Variants in MORN5 observed in about 807,000 individuals in gnomAD.
MORN5 encodes MORN repeat-containing protein 5.
Under a neutral mutation model 22.1 loss-of-function variants are expected in MORN5, and 21 were observed. That is an observed-to-expected ratio of 0.95 (90% CI 0.67 to 1.37). The LOEUF (loss-of-function observed/expected upper bound fraction) is 1.37. MORN5 is among the 40% of genes most tolerant of loss of function. The pLI is 0.00. For synonymous variants in MORN5, 73 were observed against 74.0 expected (o/e 0.99, Z 0.07); for missense variants, 211 against 215.1 (o/e 0.98, Z 0.12).
intron 3 of MORN5, among the ~76,000 whole-genome samples, chr9:122,171,716 C>T (rs1336125379): frequency 6.6e-6 from 1 of 152,084 alleles, no homozygotes; most frequent in Non-Finnish European, 1.5e-5. Flanking sequence ...CCTCCCTTCC[C>T]CTGCCCCCTA....
At chr9:122,190,258 C>T (rs966953993) in intron 4 of MORN5, among the ~76,000 whole-genome samples, 1 of 152,238 alleles carries the variant, frequency 6.6e-6, no homozygotes, top group Non-Finnish European at 1.5e-5. Context: ...GACCCCACCT[C>T]AATTATTTCC....
At chr9:122,198,670 G>A (rs548280007) in intron 4 of MORN5, among the ~76,000 whole-genome samples, 14 of 152,304 alleles carry the variant, frequency 9.2e-5, no homozygotes, top group African/African-American at 3.1e-4. Context: ...CATTCTCCAC[G>A]TATCTGTGAA....
chr9:122,189,901 C>T (rs899408741), intron 4 of MORN5, among the ~76,000 whole-genome samples: 7 of 152,110 alleles, frequency 4.6e-5, no homozygotes, highest in African/African-American at 1.7e-4. Context: ...CCACCGCACC[C>T]GGCCTATAAA....
chr9:122,190,939 C>T (rs1829748000), intron 4 of MORN5, among the ~76,000 whole-genome samples: 1 of 152,248 alleles, frequency 6.6e-6, no homozygotes, highest in East Asian at 1.9e-4. Context: ...CCCATAGGTG[C>T]CCACAAGCTG....
intron 3 of MORN5, among the ~76,000 whole-genome samples, chr9:122,170,087 C>A (rs1829344099): frequency 6.6e-6 from 1 of 152,200 alleles, no homozygotes; most frequent in Non-Finnish European, 1.5e-5. Context: ...CACTTGAGGT[C>A]AGGACTTCCA....
chr9:122,185,720 C>T (rs1208086388), intron 4 of MORN5, among the ~76,000 whole-genome samples: 1 of 152,206 alleles, frequency 6.6e-6, no homozygotes, highest in East Asian at 1.9e-4. Flanking sequence ...GAAGCCACTG[C>T]CTTCCCCTGA....
At chr9:122,190,079 C>T (rs187503264) in intron 4 of MORN5, among the ~76,000 whole-genome samples, 69 of 152,138 alleles carry the variant, frequency 4.5e-4, no homozygotes, top group Non-Finnish European at 9.0e-4. Context: ...CACCAGCTGT[C>T]CATACACAGA....
intron 4 of MORN5, among the ~76,000 whole-genome samples, chr9:122,188,031 G>A (rs1214390047): frequency 6.6e-6 from 1 of 152,144 alleles, no homozygotes; most frequent in Non-Finnish European, 1.5e-5. Context: ...TGTGTGTTGG[G>A]GAATGGGGAA....
At chr9:122,180,319 T>C (rs545979482) in intron 4 of MORN5, among the ~76,000 whole-genome samples, 48 of 129,676 alleles carry the variant, frequency 3.7e-4, no homozygotes, top group African/African-American at 1.3e-3. Context: ...GGAGTCTCAC[T>C]CTGTCACCTA....
In MORN5 at chr9:122,197,948, C is replaced by T. The variant is rs1829931632; in HGVS notation, c.440-1937C>T. The stretch of plus-strand genomic sequence containing the variant: ...AAACTGAGGCTCACTGGCTGCTTGC[C>T]AGAGTGTGCCAGGCAGCAAGCCGTT... On this transcript the variant is annotated intron_variant, in intron 4 of 4. Coordinates refer to ENST00000373764, the MANE Select transcript of MORN5 (RefSeq NM_198469.4). The surrounding 1 kb of genome is among the most constrained non-coding windows in gnomAD (Gnocchi z 5.7). Among the ~76,000 whole-genome samples, 1 of 152,184 alleles carries T rather than the reference C, an allele frequency of 6.6e-6. No homozygotes were observed. The highest frequency in any genetic ancestry group is 1.5e-5 in the Non-Finnish European group (1 of 68,028).
At chr9:122,195,206 T>G (rs1829861847) in intron 4 of MORN5, among the ~76,000 whole-genome samples, 2 of 152,190 alleles carry the variant, frequency 1.3e-5, no homozygotes, top group Admixed American at 1.3e-4. Flanking sequence ...TTTCTTAAAC[T>G]GTTTATTTGA....
rs187565200 is a variant in MORN5 at position 122,176,049 on chromosome 9, C to T, written c.439+1422C>T. Among the ~76,000 whole-genome samples the T allele has an allele frequency of 4.5e-4, 65 of 145,974 alleles. 1 individual carries two copies. The Admixed American group carries it at 4.6e-3, about 10-fold the overall frequency. On this transcript the variant is annotated intron_variant, in intron 4 of 4. Transcript: ENST00000373764. ...AGGAGAATGGCGTGAACCCGGGAGG[C>T]GGAGCTTGCAGTGAGCCGAGATCGC...
chr9:122,170,208 A>AT (rs976827783), intron 3 of MORN5, among the ~76,000 whole-genome samples: 2 of 151,930 alleles, frequency 1.3e-5, no homozygotes, highest in Non-Finnish European at 2.9e-5. Context: ...AGGCATGAGA[A>AT]TCGTTTGAAC....
intron 3 of MORN5, among the ~76,000 whole-genome samples, chr9:122,172,499 C>T (rs1216726483): frequency 2.0e-5 from 3 of 152,154 alleles, no homozygotes; most frequent in African/African-American, 7.2e-5. Flanking sequence ...GCCATTCTCT[C>T]TGCCTGGAAT....
At position 122,175,390 on chromosome 9, in the gene MORN5, C is replaced by G. The variant is rs997305462; in HGVS notation, c.439+763C>G. 1.1e-5 allele frequency: 10 copies of G among 889,124 alleles called. No homozygotes were observed. In the Admixed American group the frequency reaches 2.5e-4, roughly 22 times the overall value. The allele number at this position is 889,124 out of a possible 1,614,324, so 55.1% of individuals were successfully genotyped here. The stretch of plus-strand genomic sequence containing the variant: ...GATCCAGAACCTCAGTTTGGTGAGT[C>G]AACACAAGGCTGATCAGACTGAGAA... On this transcript the variant is annotated intron_variant, in intron 4 of 4. Coordinates refer to ENST00000373764, the MANE Select transcript of MORN5 (RefSeq NM_198469.4).
chr9:122,167,644 C>T (rs916193301), intron 2 of MORN5, among the ~76,000 whole-genome samples: 2 of 152,122 alleles, frequency 1.3e-5, no homozygotes, highest in East Asian at 1.9e-4. Flanking sequence ...CTTAGGCCCA[C>T]GACTTCACCT....
chr9:122,161,988 A>G (rs907089475), intron 1 of MORN5, among the ~76,000 whole-genome samples: 2 of 152,220 alleles, frequency 1.3e-5, no homozygotes, highest in African/African-American at 4.8e-5. Flanking sequence ...ACTTCTTTTC[A>G]TAAGTTGGAC....
intron 3 of MORN5, among the ~76,000 whole-genome samples, chr9:122,173,134 G>A (rs1012513047): frequency 3.3e-5 from 5 of 152,098 alleles, no homozygotes; most frequent in Non-Finnish European, 7.4e-5. Context: ...GGCATTTCCC[G>A]AACCTGCCTG....
chr9:122,183,421 A>G (rs1829565602), intron 4 of MORN5, among the ~76,000 whole-genome samples: 2 of 152,178 alleles, frequency 1.3e-5, no homozygotes, highest in Admixed American at 1.3e-4. Flanking sequence ...CCCTCCTCCC[A>G]ATTAATGATA....
Sources: gnomAD v4.1 joint callset for allele counts (sites outside exome capture counted in the v4.1 genomes callset) on GRCh38, gnomAD v4.1.1 for gene constraint, Gnocchi (gnomAD v3.1) non-coding constraint, MANE v1.5 for transcripts, NCBI Gene and HGNC (gene_info 2026-07-23, HGNC 2026-07-21) for gene names.